GAS2: variants seen among roughly 807,000 people sequenced by gnomAD.
GAS2 encodes growth arrest-specific protein 2.
A neutral mutation model predicts 37.5 loss-of-function variants in GAS2; 20 were observed. The observed-to-expected ratio is 0.53, with a 90% CI of 0.37 to 0.77. The LOEUF (loss-of-function observed/expected upper bound fraction) is 0.77, where lower values mean the gene tolerates loss of function less well. Among genes scored for constraint, GAS2 ranks in the 30% least tolerant of loss-of-function variants. GAS2 has a pLI of 0.00. For synonymous variants in GAS2, 144 were observed against 132.2 expected, an observed-to-expected ratio of 1.09 and a Z score of -0.61; for missense variants, 336 against 373.4, an observed-to-expected ratio of 0.90 and a Z score of 0.82.
Position 22,674,940 on chromosome 11 carries a change from G to A in GAS2, c.71G>A (p.Trp24Ter). Residue 24 changes from tryptophan (W) to a stop codon, truncating the protein, a stop_gained, in exon 2 of 8, where the codon TGG (tryptophan) becomes TAG (stop). Coordinates refer to ENST00000454584, the MANE Select transcript of GAS2 (RefSeq NM_001143830.3). LOFTEE classifies it high-confidence loss of function. ...TCTGATATGCATCAGTATAGCCAATGGCTAGCCAGCAGACATGAAGCTAAT... is the reference window on the plus strand; with the variant it reads ...TCTGATATGCATCAGTATAGCCAATAGCTAGCCAGCAGACATGAAGCTAAT... ...GLSDMHQYSQ[W>*]LASRHEANLL... 5.0e-6 allele frequency: 8 copies of A among 1,613,920 alleles called. No individual in the cohort carries two copies. The highest frequency in any genetic ancestry group is 6.8e-6 in the Non-Finnish European group (8 of 1,179,890).
At chr11:22,723,458 C>A (rs1852040838) in intron 3 of GAS2, among the ~76,000 whole-genome samples, 1 of 151,858 alleles carries the variant, frequency 6.6e-6, no homozygotes, top group Non-Finnish European at 1.5e-5. Context: ...CAAGAGTGGG[C>A]TGAATGATAT....
chr11:22,676,569 G>T (rs982540499), intron 2 of GAS2, among the ~76,000 whole-genome samples: 1 of 152,068 alleles, frequency 6.6e-6, no homozygotes, highest in African/African-American at 2.4e-5. Flanking sequence ...GGTAATAATA[G>T]TAGTAACTAC....
At chr11:22,754,213 C>T (rs1288802673) in intron 6 of GAS2, among the ~76,000 whole-genome samples, 1 of 151,950 alleles carries the variant, frequency 6.6e-6, no homozygotes, top group Non-Finnish European at 1.5e-5. Context: ...CCCCCTGTGA[C>T]CTGTATAGAT....
Position 22,674,994 on chromosome 11 carries a change from T to A in GAS2, c.125T>A (p.Leu42Ter). The change falls in exon 2 of 8, where the codon TTG becomes TAG. Residue 42 changes from leucine (L) to a stop codon, truncating the protein, a stop_gained. Transcript: ENST00000454584. LOFTEE classifies it high-confidence loss of function. Reference sequence around the variant, plus strand: ...CTACCAATGAAAGAAGATCTGGCCTTGTGGTTAACCAATCTATTAGGTAAG... The same window carrying A: ...CTACCAATGAAAGAAGATCTGGCCTAGTGGTTAACCAATCTATTAGGTAAG... ...NLLPMKEDLA[L>*]WLTNLLGKEI... The A allele has an allele frequency of 6.2e-7, 1 of 1,613,838 alleles. No homozygotes were observed. The highest frequency in any genetic ancestry group is 8.5e-7 in the Non-Finnish European group (1 of 1,179,828).
intron 7 of GAS2, among the ~76,000 whole-genome samples, chr11:22,759,033 C>A (rs1250247627): frequency 1.3e-5 from 2 of 152,060 alleles, no homozygotes; most frequent in African/African-American, 4.8e-5. Flanking sequence ...TTGCTAACCA[C>A]CTTACAAGGT....
chr11:22,657,700 C>T (rs1848871878), intron 1 of GAS2, among the ~76,000 whole-genome samples: 1 of 152,182 alleles, frequency 6.6e-6, no homozygotes, highest in South Asian at 2.1e-4. Context: ...TTATTTTCTT[C>T]TTTTAACCTG....
chr11:22,792,740 A>G, intron 7 of GAS2, among the ~76,000 whole-genome samples: 1 of 152,208 alleles, frequency 6.6e-6, no homozygotes, highest in East Asian at 1.9e-4. Flanking sequence ...TCAGCATGTG[A>G]CCAGCTCTGA....
chr11:22,675,552 C>T lies in GAS2; in HGVS notation c.145+538C>T, dbSNP rs569825779. Among the ~76,000 whole-genome samples, 3 of 152,276 alleles carry T rather than the reference C, an allele frequency of 2.0e-5. No individual in the cohort carries two copies. The South Asian group carries it at 6.2e-4, about 32-fold the overall frequency. On this transcript the variant is annotated intron_variant, in intron 2 of 7. Transcript: ENST00000454584. ...CTTTTGTTTTTAAGGTCTAGTCTAA[C>T]AGTACTTTTGCTGACCTCATGCTAC...
chr11:22,699,533 G>A (rs1018679351), intron 3 of GAS2, among the ~76,000 whole-genome samples: 2 of 152,140 alleles, frequency 1.3e-5, no homozygotes, highest in African/African-American at 4.8e-5. Context: ...CAAGGATTAT[G>A]CAGCATAGAT....
intron 3 of GAS2, among the ~76,000 whole-genome samples, chr11:22,716,534 G>T (rs1434168355): frequency 6.6e-6 from 1 of 151,822 alleles, no homozygotes; most frequent in Non-Finnish European, 1.5e-5. Context: ...CACCTACAAG[G>T]GAGGCTGATG....
chr11:22,678,825 T>C (rs1056407720), intron 2 of GAS2, among the ~76,000 whole-genome samples: 3 of 152,034 alleles, frequency 2.0e-5, no homozygotes, highest in African/African-American at 7.2e-5. Flanking sequence ...CATAAACCAG[T>C]GTTCATATTC....
At chr11:22,777,952 C>T (rs2134465863) in intron 7 of GAS2, among the ~76,000 whole-genome samples, 2 of 152,206 alleles carry the variant, frequency 1.3e-5, no homozygotes, top group Middle Eastern at 6.8e-3. Context: ...ATGCTATGTG[C>T]ATTCACAAAA....
intron 7 of GAS2, among the ~76,000 whole-genome samples, chr11:22,789,423 G>GATATATATAAATAT (rs1491294585): frequency 1.1e-4 from 8 of 71,164 alleles, no homozygotes; most frequent in African/African-American, 4.6e-4. Context: ...TATCTCATAT[G>GATATATATAAATAT]AGATATATAT....
At chr11:22,679,525 A>G (rs958995686) in intron 2 of GAS2, among the ~76,000 whole-genome samples, 6 of 152,098 alleles carry the variant, frequency 3.9e-5, no homozygotes, top group Non-Finnish European at 8.8e-5. Context: ...ATTCAAATAC[A>G]TTAGGCATAT....
intron 7 of GAS2, among the ~76,000 whole-genome samples, chr11:22,783,130 A>G (rs1378539563): frequency 6.6e-6 from 1 of 152,052 alleles, no homozygotes; most frequent in East Asian, 1.9e-4. Flanking sequence ...GACATAACAA[A>G]GCCATTCTGA....
intron 7 of GAS2, among the ~76,000 whole-genome samples, chr11:22,783,706 T>A (rs1471199845): frequency 6.6e-6 from 1 of 152,156 alleles, no homozygotes. Context: ...CCTTTGCCAT[T>A]TGTGAGTTTT....
chr11:22,775,427 T>A (rs1855210092), intron 7 of GAS2, among the ~76,000 whole-genome samples: 1 of 152,182 alleles, frequency 6.6e-6, no homozygotes, highest in African/African-American at 2.4e-5. Flanking sequence ...AAGTTTATCT[T>A]TGTCCTGCAA....
intron 6 of GAS2, among the ~76,000 whole-genome samples, chr11:22,755,436 T>A (rs1853973681): frequency 6.6e-6 from 1 of 152,146 alleles, no homozygotes; most frequent in African/African-American, 2.4e-5. Context: ...ATGATTAAAA[T>A]TATACTGAAG....
chr11:22,677,712 C>T (rs190466269), intron 2 of GAS2, among the ~76,000 whole-genome samples: 48 of 152,206 alleles, frequency 3.2e-4, no homozygotes, highest in Non-Finnish European at 5.1e-4. Flanking sequence ...AGACCTGGCT[C>T]CTAACTGGGC....
Sources: allele counts gnomAD v4.1 joint callset (sites outside exome capture counted in the v4.1 genomes callset), GRCh38; gene constraint gnomAD v4.1.1; transcripts MANE v1.5; gene names NCBI Gene and HGNC (gene_info 2026-07-23, HGNC 2026-07-21).